TNNI3K: variants seen among roughly 807,000 people sequenced by gnomAD.
The protein encoded by TNNI3K is TNNI3 interacting kinase.
TNNI3K carries 140 observed loss-of-function variants against 114.5 expected under a neutral mutation model. The ratio of observed to expected loss-of-function variants is 1.22; its 90% CI spans 1.07 to 1.41. The LOEUF (loss-of-function observed/expected upper bound fraction) is 1.41. Ranked by LOEUF, TNNI3K falls within the 40% of genes most tolerant of loss-of-function variation. The probability of loss-of-function intolerance (pLI) is 0.00; values close to 1 mark genes in which losing one functional copy is unlikely to be tolerated. For synonymous variants in TNNI3K, 347 were observed against 347.5 expected, an observed-to-expected ratio of 1.00 and a Z score of 0.02; for missense variants, 1,125 against 1,007.6, an observed-to-expected ratio of 1.12 and a Z score of -1.58.
chr1:74,311,887 A>G (rs1659015712), intron 5 of TNNI3K, among the ~76,000 whole-genome samples: 1 of 152,256 alleles, frequency 6.6e-6, no homozygotes, highest in South Asian at 2.1e-4. Flanking sequence ...ACTTTATAAC[A>G]TTCTGGCCTA....
intron 17 of TNNI3K, chr1:74,418,303 T>C: frequency 2.9e-6 from 1 of 349,336 alleles, no homozygotes; most frequent in Middle Eastern, 4.0e-4. Flanking sequence ...ACATCAGCCA[T>C]AGAAGCCTGC....
At chr1:74,458,658 T>A (rs1377250947) in intron 20 of TNNI3K, among the ~76,000 whole-genome samples, 1 of 152,222 alleles carries the variant, frequency 6.6e-6, no homozygotes, top group East Asian at 1.9e-4. Context: ...TGTTAAGCTA[T>A]CATCTTCATT....
At chr1:74,402,945 A>G (rs1207953974) in intron 17 of TNNI3K, among the ~76,000 whole-genome samples, 1 of 152,180 alleles carries the variant, frequency 6.6e-6, no homozygotes, top group East Asian at 1.9e-4. Flanking sequence ...TTCTTCTTCC[A>G]ATGGAATTTT....
chr1:74,334,281 A>C (rs1660357322), intron 6 of TNNI3K, among the ~76,000 whole-genome samples: 1 of 152,190 alleles, frequency 6.6e-6, no homozygotes, highest in Non-Finnish European at 1.5e-5. Context: ...CACCCAGCTA[A>C]TATTTTCTCT....
chr1:74,358,941 A>T (rs1278047221), intron 11 of TNNI3K, among the ~76,000 whole-genome samples: 1 of 152,000 alleles, frequency 6.6e-6, no homozygotes, highest in Non-Finnish European at 1.5e-5. Context: ...ATATATATGT[A>T]TATATAATTT....
At chr1:74,469,738 A>G in intron 21 of TNNI3K, 1 of 395,508 alleles carries the variant, frequency 2.5e-6, no homozygotes, top group Non-Finnish European at 4.5e-6. Flanking sequence ...GTTTTATTTT[A>G]TTGATAACAA....
rs761751877 is a variant in TNNI3K, at chr1:74,249,535, A to G, written c.226A>G (p.Ile76Val). The G allele has an allele frequency of 2.5e-6, 4 of 1,613,264 alleles. No individual in the cohort carries two copies. The highest frequency in any genetic ancestry group is 1.1e-5 in the South Asian group (1 of 90,980). Residue 76 changes from isoleucine to valine, a missense_variant, in exon 3 of 25, where the codon ATT becomes GTT. Physicochemically the swap from Ile to Val is conservative, Grantham distance 29. Transcript: ENST00000326637. ...NGLSLLHLCCICGGKKSHIRT... is the reference protein window; with the variant it reads ...NGLSLLHLCCVCGGKKSHIRT... Reference sequence around the variant, plus strand: ...GCTGTCTCTACTTCATTTATGTTGCATTTGTGGAGGTGAGTACTTGAAACT... The same window carrying G: ...GCTGTCTCTACTTCATTTATGTTGCGTTTGTGGAGGTGAGTACTTGAAACT...
At chr1:74,255,401 G>GT (rs943801418) in intron 4 of TNNI3K, among the ~76,000 whole-genome samples, 9 of 149,526 alleles carry the variant, frequency 6.0e-5, no homozygotes, top group African/African-American at 2.2e-4. Flanking sequence ...ATGTAACCCC[G>GT]TAAGTCTCAG....
chr1:74,332,455 C>T (rs1047204136), intron 6 of TNNI3K, among the ~76,000 whole-genome samples: 2 of 152,146 alleles, frequency 1.3e-5, no homozygotes, highest in East Asian at 3.9e-4. Context: ...CACCTGCCAC[C>T]ACGCCTGACT....
Position 74,510,898 on chromosome 1 carries a change from C to T in TNNI3K, c.2351+18632C>T, listed in dbSNP as rs576968136. 5.3e-5 allele frequency among the ~76,000 whole-genome samples: 8 copies of T among 152,104 alleles called. No homozygotes were observed. In the South Asian group the frequency reaches 1.7e-3, roughly 32 times the overall value. ...TTAGCAAACTGAATATGCTTTTTTT[C>T]TTTTTTGAGACGAAGTCTCACTCTT... On this transcript the variant is annotated intron_variant, in intron 23 of 24. Transcript: ENST00000326637.
rs528941337 is a variant in TNNI3K, at chr1:74,450,345, A to G, written c.2011+10723A>G. Among the ~76,000 whole-genome samples, 1,186 of 152,104 alleles carry G rather than the reference A, an allele frequency of 7.8e-3. 18 individuals are homozygous for G. The highest frequency in any genetic ancestry group is 0.027 in the African/African-American group (1,126 of 41,490). On this transcript the variant is annotated intron_variant, in intron 20 of 24. Coordinates refer to ENST00000326637, the MANE Select transcript of TNNI3K (RefSeq NM_015978.3). ...ACACCCTAACATCACAATGAAAAGA[A>G]CTAGAAAAGCAAGAGCAAACACATT... is the stretch of plus-strand genomic sequence containing the variant.
intron 5 of TNNI3K, among the ~76,000 whole-genome samples, chr1:74,273,502 C>CAAAA (rs1264362204): frequency 1.3e-5 from 2 of 151,936 alleles, no homozygotes; most frequent in Admixed American, 1.3e-4. Context: ...AGGAAAATTA[C>CAAAA]AGACTATGTC....
rs115313037 is a variant in TNNI3K, at chr1:74,422,054, G to A, written c.1773-14026G>A. 5.8e-3 allele frequency among the ~76,000 whole-genome samples: 873 copies of A among 150,964 alleles called. 7 individuals carry two copies. Among genetic ancestry groups the A allele is most frequent in the African/African-American group, 0.02 (822 of 41,186 alleles). On this transcript the variant is annotated intron_variant, in intron 17 of 24. Transcript: ENST00000326637. ...TAGAAACCTACTCCTCATAATAAAG[G>A]GCATTTTAAATTGAGGAGATAAATA...
At chr1:74,371,260 T>A (rs936927143) in intron 17 of TNNI3K, 1 of 151,884 alleles carries the variant, frequency 6.6e-6, no homozygotes, top group African/African-American at 2.4e-5. Flanking sequence ...AGTCATTTGG[T>A]CAACAACTAT....
At chr1:74,469,739 T>C (rs1407211730) in intron 21 of TNNI3K, 3 of 395,500 alleles carry the variant, frequency 7.6e-6, no homozygotes, top group Middle Eastern at 6.1e-4. Flanking sequence ...TTTTATTTTA[T>C]TGATAACAAA....
chr1:74,508,824 C>T lies in TNNI3K; in HGVS notation c.2351+16558C>T, dbSNP rs139137330. ...GGTATGTGTTCTAATCCCACCTCTGCCTTTAAGAACAGTGTAAACTTGGGC... is the reference window on the plus strand; with the variant it reads ...GGTATGTGTTCTAATCCCACCTCTGTCTTTAAGAACAGTGTAAACTTGGGC... On this transcript the variant is annotated intron_variant, in intron 23 of 24. Coordinates refer to ENST00000326637, the MANE Select transcript of TNNI3K (RefSeq NM_015978.3). Among the ~76,000 whole-genome samples, 1,072 of 152,238 alleles carry T rather than the reference C, an allele frequency of 7.0e-3. 11 individuals are homozygous for T. The highest frequency in any genetic ancestry group is 0.022 in the South Asian group (108 of 4,828).
intron 5 of TNNI3K, among the ~76,000 whole-genome samples, chr1:74,309,758 TC>T (rs944793703): frequency 1.1e-4 from 16 of 152,092 alleles, no homozygotes; most frequent in African/African-American, 3.4e-4. Flanking sequence ...AAATCAAACA[TC>T]CCTTCATGAT....
intron 4 of TNNI3K, among the ~76,000 whole-genome samples, chr1:74,261,781 C>T (rs540768649): frequency 1.6e-4 from 24 of 152,174 alleles, no homozygotes; most frequent in African/African-American, 4.3e-4. Context: ...TTTAACATTT[C>T]GTATGATAAA....
chr1:74,285,630 C>G (rs1657283030), intron 5 of TNNI3K, among the ~76,000 whole-genome samples: 1 of 152,136 alleles, frequency 6.6e-6, no homozygotes, highest in Non-Finnish European at 1.5e-5. Context: ...AGGAACTGCA[C>G]ACTAGAAATC....
Sources: allele counts gnomAD v4.1 joint callset (sites outside exome capture counted in the v4.1 genomes callset), GRCh38; gene constraint gnomAD v4.1.1; transcripts MANE v1.5; gene names NCBI Gene and HGNC (gene_info 2026-07-23, HGNC 2026-07-21).